Variants in IRAK3 observed in about 807,000 individuals in gnomAD.
IRAK3 encodes the protein interleukin 1 receptor associated kinase 3.
IRAK3 carries 57 observed loss-of-function variants against 56.6 expected under a neutral mutation model. The ratio of observed to expected loss-of-function variants is 1.01; its 90% confidence interval spans 0.81 to 1.26. The LOEUF (loss-of-function observed/expected upper bound fraction) is 1.26. Among genes scored for constraint, IRAK3 ranks in the 50% most tolerant of loss-of-function variants. The pLI, the probability that IRAK3 is intolerant of heterozygous loss-of-function variation, is 0.00. For missense variants in IRAK3, 703 were observed against 719.0 expected, an observed-to-expected ratio of 0.98 and a Z score of 0.25; for synonymous variants, 258 against 255.7, an observed-to-expected ratio of 1.01 and a Z score of -0.09.
intron 8 of IRAK3, chr12:66,235,256 C>T (rs2052892567): frequency 8.9e-6 from 14 of 1,576,678 alleles, no homozygotes; most frequent in Admixed American, 1.8e-5. Flanking sequence ...GCTGCTGCCC[C>T]CGGGGTTGCC....
chr12:66,241,765 G>C (rs1172871144), intron 8 of IRAK3, among the ~76,000 whole-genome samples: 2 of 152,150 alleles, frequency 1.3e-5, no homozygotes, highest in African/African-American at 4.8e-5. Context: ...ACATCTTGTT[G>C]ATGGCCTTTC....
intron 6 of IRAK3, among the ~76,000 whole-genome samples, chr12:66,224,177 C>T (rs982167901): frequency 6.6e-6 from 1 of 152,146 alleles, no homozygotes; most frequent in African/African-American, 2.4e-5. Context: ...ATTCATTAAT[C>T]CTCATGACCA....
chr12:66,234,279 G>A, intron 8 of IRAK3: 1 of 1,613,048 alleles, frequency 6.2e-7, no homozygotes, highest in African/African-American at 1.3e-5. Flanking sequence ...TGGGCCAGAG[G>A]GCTGATCATT....
chr12:66,223,048 A>G (rs142619168), intron 6 of IRAK3, among the ~76,000 whole-genome samples: 3 of 151,862 alleles, frequency 2.0e-5, no homozygotes, highest in South Asian at 2.1e-4. Flanking sequence ...GGGTGTCACA[A>G]GGTGCTCAGT....
chr12:66,233,613 T>A (rs2052868862), intron 8 of IRAK3, among the ~76,000 whole-genome samples: 1 of 151,282 alleles, frequency 6.6e-6, no homozygotes, highest in East Asian at 1.9e-4. Context: ...ACACCATGGG[T>A]GAAGTCGGAC....
intron 6 of IRAK3, 72 bp from the exon 7 acceptor site, chr12:66,226,651 C>T (rs2052789218): frequency 5.8e-6 from 5 of 861,404 alleles, no homozygotes; most frequent in Non-Finnish European, 1.0e-5. Flanking sequence ...CTTACTACCC[C>T]CACACCAGTG....
intron 6 of IRAK3, among the ~76,000 whole-genome samples, chr12:66,224,877 G>A (rs187998399): frequency 6.6e-5 from 10 of 152,234 alleles, no homozygotes; most frequent in Admixed American, 2.0e-4. Flanking sequence ...TTGCTGAAGT[G>A]ATTTTAGAAG....
intron 6 of IRAK3, 139 bp from the exon 7 acceptor site, chr12:66,226,584 G>A (rs920219447): frequency 2.6e-5 from 18 of 683,540 alleles, no homozygotes; most frequent in Admixed American, 8.1e-5. Context: ...ATCTGTGTCT[G>A]TACCCAATGT....
In IRAK3 at chr12:66,243,283, G is replaced by A. The variant is rs148426896; in HGVS notation, c.888-1203G>A. 7.2e-5 allele frequency among the ~76,000 whole-genome samples: 11 copies of A among 152,344 alleles called. No individual in the cohort carries two copies. In the East Asian group the frequency reaches 2.1e-3, roughly 29 times the overall value. On this transcript the variant is annotated intron_variant, in intron 8 of 11. Transcript: ENST00000261233. ...CTGGGGCCTGCCCGTTAACCTACCTGTATAGGGATAGCAAAGACTTCTGGA... is the reference window on the plus strand; with the variant it reads ...CTGGGGCCTGCCCGTTAACCTACCTATATAGGGATAGCAAAGACTTCTGGA...
chr12:66,228,312 G>A lies in IRAK3; in HGVS notation c.829G>A (p.Ala277Thr), dbSNP rs762036019. Residue 277 changes from alanine (A) to threonine (T), a missense_variant, in exon 8 of 12, where the codon GCC (alanine) becomes ACC (threonine). Coordinates refer to ENST00000261233, the MANE Select transcript of IRAK3 (RefSeq NM_007199.3). ...RIGILIGISKAIHYLHNVQPC... is the reference protein window; with the variant it reads ...RIGILIGISKTIHYLHNVQPC... ...CGGTATATTAATAGGAATATCCAAA[G>A]CCATTCACTACCTGCACAACGTTCA... 2 of 1,614,158 alleles carry A rather than the reference G, an allele frequency of 1.2e-6. No individual in the cohort carries two copies. The highest frequency in any genetic ancestry group is 2.2e-5 in the South Asian group (2 of 91,080).
Position 66,251,595 on chromosome 12 carries a change from G to A in IRAK3, c.*3424G>A, listed in dbSNP as rs2053100137. ...TTTTGTTGTTTTTAAAAACAGGTATGGGATTTCTGATATAATCAATTTTAT... is the reference window on the plus strand; with the variant it reads ...TTTTGTTGTTTTTAAAAACAGGTATAGGATTTCTGATATAATCAATTTTAT... On this transcript the variant is annotated 3_prime_UTR_variant, in exon 12 of 12. Coordinates refer to ENST00000261233, the MANE Select transcript of IRAK3 (RefSeq NM_007199.3). 6.6e-6 allele frequency: 1 copy of A among 152,140 alleles called. No individual in the cohort carries two copies. The highest frequency in any genetic ancestry group is 2.4e-5 in the African/African-American group (1 of 41,438). 9.4% of individuals were successfully genotyped at this position (152,140 alleles called of 1,614,324 possible).
chr12:66,230,127 C>T (rs560367642), intron 8 of IRAK3, among the ~76,000 whole-genome samples: 1 of 152,206 alleles, frequency 6.6e-6, no homozygotes, highest in African/African-American at 2.4e-5. Context: ...CTGCCCATGT[C>T]CCGTTCTTTT....
rs186155346 is a variant in IRAK3 at position 66,229,879 on chromosome 12, T to A, written c.887+1509T>A. ...GAATGTTGCTAAACATATTTGTCCT[T>A]TGGTCTAAACTTAAAATAAGTATTA... On this transcript the variant is annotated intron_variant, in intron 8 of 11. Transcript: ENST00000261233. Among the ~76,000 whole-genome samples the A allele has an allele frequency of 2.7e-3, 404 of 152,362 alleles. 3 individuals carry two copies. Among genetic ancestry groups the A allele is most frequent in the Non-Finnish European group, 4.0e-3 (271 of 68,030 alleles).
At position 66,247,740 on chromosome 12, in the gene IRAK3, G is replaced by A; in HGVS notation, c.1360G>A (p.Glu454Lys). Residue 454 changes from glutamate to lysine, a missense_variant, in exon 12 of 12, where the codon GAA becomes AAA. Glu to Lys is a moderately conservative substitution (Grantham distance 56, BLOSUM62 1). Transcript: ENST00000261233. ...ESTQASLYFA[E>K]DPPTSLKSFR... ...TACTCAAGCCAGCTTGTATTTTGCT[G>A]AAGATCCTCCCACATCACTAAAGTC... is the stretch of plus-strand genomic sequence containing the variant. 1 of 1,614,102 alleles carries A rather than the reference G, an allele frequency of 6.2e-7. No individual in the cohort carries two copies. The highest frequency in any genetic ancestry group is 8.5e-7 in the Non-Finnish European group (1 of 1,179,984).
At chr12:66,245,599 A>ACTACCT (rs374709105) in intron 11 of IRAK3, among the ~76,000 whole-genome samples, 1 of 141,788 alleles carries the variant, frequency 7.1e-6, no homozygotes, top group Admixed American at 7.1e-5. Context: ...GTGCAGTGGC[A>ACTACCT]CGGCCCACTG....
intron 1 of IRAK3, among the ~76,000 whole-genome samples, chr12:66,193,232 C>T (rs989223833): frequency 1.3e-5 from 2 of 151,984 alleles, no homozygotes; most frequent in African/African-American, 4.8e-5. Context: ...AGGCTGGTCT[C>T]GAACTCCCGA....
At chr12:66,225,404 C>T (rs555230165) in intron 6 of IRAK3, among the ~76,000 whole-genome samples, 14 of 151,880 alleles carry the variant, frequency 9.2e-5, no homozygotes, top group African/African-American at 2.4e-4. Context: ...CACACACACA[C>T]GCTTCCTTCC....
At chr12:66,213,944 G>T (rs2052639075) in intron 5 of IRAK3, among the ~76,000 whole-genome samples, 1 of 152,158 alleles carries the variant, frequency 6.6e-6, no homozygotes, top group African/African-American at 2.4e-5. Context: ...ATTTTGGCAG[G>T]CAGTAAAGGA....
At chr12:66,215,792 A>ACGTGCGCGCGCGCGCG (rs1426815796) in intron 5 of IRAK3, among the ~76,000 whole-genome samples, 1 of 85,788 alleles carries the variant, frequency 1.2e-5, no homozygotes, top group African/African-American at 3.2e-5. Flanking sequence ...ACATGCACAC[A>ACGTGCGCGCGCGCGCG]CACACACACA....
Sources: gnomAD v4.1 joint callset for allele counts (sites outside exome capture counted in the v4.1 genomes callset) on GRCh38, gnomAD v4.1.1 for gene constraint, MANE v1.5 for transcripts, NCBI Gene and HGNC (gene_info 2026-07-23, HGNC 2026-07-21) for gene names.